Variants in SEC24D observed in about 807,000 individuals in gnomAD.
SEC24D encodes the protein protein transport protein Sec24D.
Under a neutral mutation model 116.9 loss-of-function variants are expected in SEC24D, and 69 were observed. That is an observed-to-expected ratio of 0.59 (90% CI 0.49 to 0.72). SEC24D has a LOEUF of 0.72. SEC24D is among the 30% of genes least tolerant of loss of function. The probability of loss-of-function intolerance (pLI) is 0.00; values close to 1 mark genes in which losing one functional copy is unlikely to be tolerated. For missense variants in SEC24D, 1,131 were observed against 1,264.1 expected, an observed-to-expected ratio of 0.89 and a Z score of 1.60; for synonymous variants, 405 against 442.8, an observed-to-expected ratio of 0.91 and a Z score of 1.07.
Position 118,723,776 on chromosome 4 carries a change from T to C in SEC24D, c.2959-121A>G, listed in dbSNP as rs1044651754. Reference sequence around the variant, plus strand: ...TGAATGCCCATTATGTGTGAGGCTATGGAGGATGATGGGAAAGTGCCTGAT... The same window carrying C: ...TGAATGCCCATTATGTGTGAGGCTACGGAGGATGATGGGAAAGTGCCTGAT... On this transcript the variant is annotated intron_variant, in intron 22 of 22. Coordinates refer to ENST00000280551, the MANE Select transcript of SEC24D (RefSeq NM_014822.4). The C allele has an allele frequency of 3.8e-6, 4 of 1,060,856 alleles. 1 individual carries two copies. The South Asian group carries it at 4.9e-5, about 13-fold the overall frequency. 65.7% of individuals were successfully genotyped at this position (1,060,856 alleles called of 1,614,324 possible). A position where few individuals can be genotyped will look rare whatever the true frequency, so the allele number is the denominator to read the frequency against.
At position 118,833,723 on chromosome 4, in the gene SEC24D, T is replaced by C. The variant is rs781189477; in HGVS notation, c.-27A>G. ...ATGAAAATATCATTCCATAGGATAA[T>C]TCTACAAAAGAAGTCTGCAACAGAG... On this transcript the variant is annotated 5_prime_UTR_variant, in exon 2 of 23. Transcript: ENST00000280551. The C allele has an allele frequency of 3.5e-5, 53 of 1,518,316 alleles. No homozygotes were observed. The East Asian group carries it at 8.8e-4, about 25-fold the overall frequency. 94.1% of individuals were successfully genotyped at this position (1,518,316 alleles called of 1,614,324 possible).
At chr4:118,808,761 G>A (rs1729778605) in intron 6 of SEC24D, among the ~76,000 whole-genome samples, 1 of 152,172 alleles carries the variant, frequency 6.6e-6, no homozygotes, top group Non-Finnish European at 1.5e-5. Context: ...AAGATGTGCT[G>A]CTAGAATTAC....
intron 2 of SEC24D, among the ~76,000 whole-genome samples, chr4:118,832,147 A>T (rs1730887270): frequency 6.6e-6 from 1 of 152,118 alleles, no homozygotes; most frequent in African/African-American, 2.4e-5. Flanking sequence ...AGGCAGGAGA[A>T]TCACTAGAAC....
At chr4:118,758,066 G>A (rs1560647776) in intron 10 of SEC24D, among the ~76,000 whole-genome samples, 1 of 152,144 alleles carries the variant, frequency 6.6e-6, no homozygotes, top group Non-Finnish European at 1.5e-5. Flanking sequence ...TATGACCTGG[G>A]TTAGTATTGA....
chr4:118,787,251 A>G (rs907878621), intron 8 of SEC24D, among the ~76,000 whole-genome samples: 1 of 152,262 alleles, frequency 6.6e-6, no homozygotes, highest in African/African-American at 2.4e-5. Flanking sequence ...ATTTCTAAAT[A>G]CATGCATTTT....
rs140387481 is a variant in SEC24D at position 118,747,536 on chromosome 4, G to A, written c.1708-2476C>T. 6.3e-3 allele frequency among the ~76,000 whole-genome samples: 965 copies of A among 152,040 alleles called. 13 individuals carry two copies. The highest frequency in any genetic ancestry group is 0.022 in the African/African-American group (925 of 41,452). ...CCACCTTGGCCTCCCAAAGTGCTGG[G>A]ATTACAGGTGTAAGCCACCATGCCC... On this transcript the variant is annotated intron_variant, in intron 13 of 22. Transcript: ENST00000280551.
intron 8 of SEC24D, among the ~76,000 whole-genome samples, chr4:118,788,919 A>G (rs1728769740): frequency 6.6e-6 from 1 of 152,188 alleles, no homozygotes; most frequent in Non-Finnish European, 1.5e-5. Flanking sequence ...CATTTATTCA[A>G]CTAAGACCTC....
At chr4:118,808,995 A>G (rs1209066990) in intron 6 of SEC24D, among the ~76,000 whole-genome samples, 1 of 145,738 alleles carries the variant, frequency 6.9e-6, no homozygotes, top group East Asian at 2.0e-4. Flanking sequence ...TTTTTTTGAG[A>G]CAGAGTCTTG....
At chr4:118,737,797 A>G (rs1578382909) in intron 19 of SEC24D, among the ~76,000 whole-genome samples, 1 of 152,136 alleles carries the variant, frequency 6.6e-6, no homozygotes, top group Non-Finnish European at 1.5e-5. Context: ...AACTCTTCAC[A>G]CCTATTAATA....
intron 8 of SEC24D, among the ~76,000 whole-genome samples, chr4:118,771,915 G>GA (rs1331139342): frequency 2.0e-5 from 3 of 152,130 alleles, no homozygotes; most frequent in African/African-American, 4.8e-5. Context: ...CAAATGCCAT[G>GA]AAAAAAACAG....
intron 2 of SEC24D, among the ~76,000 whole-genome samples, chr4:118,825,865 C>T (rs1008437747): frequency 2.0e-5 from 3 of 152,036 alleles, no homozygotes; most frequent in Non-Finnish European, 4.4e-5. Flanking sequence ...TTAACATTTC[C>T]TTTATTCTGT....
chr4:118,815,853 T>A, intron 4 of SEC24D, 127 bp from the exon 5 acceptor site: 1 of 964,404 alleles, frequency 1.0e-6, no homozygotes. Context: ...GAAACACATG[T>A]TTGGGTTTTT....
intron 1 of SEC24D, among the ~76,000 whole-genome samples, chr4:118,834,255 C>T (rs1006228237): frequency 1.3e-5 from 2 of 152,194 alleles, no homozygotes; most frequent in African/African-American, 4.8e-5. Context: ...CAACAGACAA[C>T]GTTGATAATG....
intron 7 of SEC24D, among the ~76,000 whole-genome samples, chr4:118,800,139 C>T (rs10023289): frequency 0.7 from 105,568 of 151,886 alleles, 36,964 homozygotes; most frequent in South Asian, 0.79. Context: ...TGGGGGTCCA[C>T]GTGGTGGTGG....
chr4:118,742,137 A>G (rs1355334727), intron 15 of SEC24D, among the ~76,000 whole-genome samples: 1 of 152,158 alleles, frequency 6.6e-6, no homozygotes, highest in Non-Finnish European at 1.5e-5. Context: ...TATATCAGAA[A>G]TGACATGGGG....
Position 118,744,978 on chromosome 4 carries a change from T to C in SEC24D, c.1790A>G (p.Asp597Gly). The change falls in exon 14 of 23, where the codon GAT becomes GGT. Residue 597 changes from aspartate to glycine, a missense_variant. By Grantham distance (94) the Asp-to-Gly change is moderately conservative. Coordinates refer to ENST00000280551, the MANE Select transcript of SEC24D (RefSeq NM_014822.4). ...GTCTGTATTAACCAGTTTTTTGTCA[T>C]CTCTGTTTTTGAGCTTCCCTGGTGC... Reference protein sequence around the residue: ...AEAPGKLKNRDDKKLVNTDKE... With the variant: ...AEAPGKLKNRGDKKLVNTDKE... The C allele has an allele frequency of 6.2e-7, 1 of 1,612,080 alleles. No homozygotes were observed. The highest frequency in any genetic ancestry group is 8.5e-7 in the Non-Finnish European group (1 of 1,178,712).
Position 118,764,892 on chromosome 4 carries a change from C to T in SEC24D, c.1206G>A (p.Leu402=), listed in dbSNP as rs762187090. Residue 402 remains leucine, a synonymous_variant, in exon 10 of 23, where the codon CTG becomes CTA. Coordinates refer to ENST00000280551, the MANE Select transcript of SEC24D (RefSeq NM_014822.4). Reference sequence around the variant, plus strand: ...GGTCCAGTCTTCTTCCAATGTGGTCCAGATGTTGGAAATAGAATGGTGGAA... The same window carrying T: ...GGTCCAGTCTTCTTCCAATGTGGTCTAGATGTTGGAAATAGAATGGTGGAA... ...NDVPPFYFQH[L]DHIGRRLDHY... 38 of 1,605,566 alleles carry T rather than the reference C, an allele frequency of 2.4e-5. No individual in the cohort carries two copies. The highest frequency in any genetic ancestry group is 3.2e-5 in the Non-Finnish European group (38 of 1,173,030).
At chr4:118,753,125 T>A (rs1361563560) in intron 11 of SEC24D, among the ~76,000 whole-genome samples, 2 of 152,048 alleles carry the variant, frequency 1.3e-5, no homozygotes, top group Admixed American at 1.3e-4. Context: ...TAGGTAAAAA[T>A]CAAGTAAACA....
chr4:118,775,507 T>C (rs1728091808), intron 8 of SEC24D, among the ~76,000 whole-genome samples: 1 of 151,844 alleles, frequency 6.6e-6, no homozygotes, highest in South Asian at 2.1e-4. Flanking sequence ...CCACGGTTTG[T>C]TGGTGGCCAG....
Sources: gnomAD v4.1 joint callset for allele counts (sites outside exome capture counted in the v4.1 genomes callset) on GRCh38, gnomAD v4.1.1 for gene constraint, MANE v1.5 for transcripts, NCBI Gene and HGNC (gene_info 2026-07-23, HGNC 2026-07-21) for gene names.